Variants in ADGRB3 observed in about 807,000 individuals in gnomAD.
ADGRB3 encodes brain-specific angiogenesis inhibitor 3.
Under a neutral mutation model 193.4 loss-of-function variants are expected in ADGRB3, and 37 were observed. The ratio of observed to expected loss-of-function variants is 0.19; its 90% CI spans 0.15 to 0.25. ADGRB3 has a LOEUF of 0.25. ADGRB3 is among the 10% of genes least tolerant of loss of function. ADGRB3 has a pLI of 1.00. For missense variants in ADGRB3, 1,637 were observed against 1,852.9 expected, an observed-to-expected ratio of 0.88 and a Z score of 2.14; for synonymous variants, 690 against 644.2, an observed-to-expected ratio of 1.07 and a Z score of -1.08.
intron 3 of ADGRB3, among the ~76,000 whole-genome samples, chr6:68,914,251 CAA>C (rs1425227958): frequency 6.0e-5 from 9 of 150,682 alleles, no homozygotes; most frequent in South Asian, 2.1e-4. Context: ...TCAGATTCAC[CAA>C]AGTTGAAATG....
chr6:69,027,834 G>A (rs1030547613), intron 13 of ADGRB3, among the ~76,000 whole-genome samples: 1 of 152,136 alleles, frequency 6.6e-6, no homozygotes, highest in Non-Finnish European at 1.5e-5. Flanking sequence ...AAGAAGGAGA[G>A]CACTCAAGGA....
chr6:68,888,683 G>A (rs1435871122), intron 3 of ADGRB3, among the ~76,000 whole-genome samples: 4 of 151,984 alleles, frequency 2.6e-5, no homozygotes, highest in Non-Finnish European at 4.4e-5. Flanking sequence ...TAAAAATTAT[G>A]GCACAATAAG....
At chr6:68,898,056 A>C (rs1359213822) in intron 3 of ADGRB3, among the ~76,000 whole-genome samples, 1 of 150,248 alleles carries the variant, frequency 6.7e-6, no homozygotes, top group Non-Finnish European at 1.5e-5. Flanking sequence ...AGAGAAAGAG[A>C]GGTTTATTAT....
chr6:68,712,216 T>C (rs1292904004), intron 3 of ADGRB3, among the ~76,000 whole-genome samples: 1 of 151,970 alleles, frequency 6.6e-6, no homozygotes, highest in African/African-American at 2.4e-5. Flanking sequence ...GCAACTTATC[T>C]GAGTTCAGCA....
chr6:69,174,996 T>C (rs1386650127), intron 17 of ADGRB3, among the ~76,000 whole-genome samples: 1 of 152,228 alleles, frequency 6.6e-6, no homozygotes, highest in African/African-American at 2.4e-5. Context: ...CCTTATAGAT[T>C]CTCGATGTTA....
At chr6:69,071,889 A>G (rs570969143) in intron 16 of ADGRB3, among the ~76,000 whole-genome samples, 1 of 152,128 alleles carries the variant, frequency 6.6e-6, no homozygotes, top group Non-Finnish European at 1.5e-5. Flanking sequence ...ATATTGGGCT[A>G]CTTCTCATTA....
chr6:69,101,524 A>C (rs545619337), intron 17 of ADGRB3, among the ~76,000 whole-genome samples: 2 of 151,330 alleles, frequency 1.3e-5, no homozygotes, highest in South Asian at 4.2e-4. Context: ...CACAAAACTG[A>C]CAAACCCTGG....
chr6:69,354,789 A>G (rs1769303477), intron 27 of ADGRB3, among the ~76,000 whole-genome samples: 1 of 152,174 alleles, frequency 6.6e-6, no homozygotes, highest in Non-Finnish European at 1.5e-5. Context: ...TATGCAGCCT[A>G]AGATGAGAAC....
At chr6:69,342,833 C>G (rs1769003394) in intron 26 of ADGRB3, among the ~76,000 whole-genome samples, 1 of 152,058 alleles carries the variant, frequency 6.6e-6, no homozygotes, top group African/African-American at 2.4e-5. Flanking sequence ...ATTTGCTTCA[C>G]TAAAATTCCT....
At chr6:68,840,883 A>G (rs1312778783) in intron 3 of ADGRB3, among the ~76,000 whole-genome samples, 2 of 152,190 alleles carry the variant, frequency 1.3e-5, no homozygotes, top group South Asian at 2.1e-4. Context: ...AATTAAACAC[A>G]TAGACTGAAA....
intron 17 of ADGRB3, among the ~76,000 whole-genome samples, chr6:69,135,288 CTT>C (rs34164707): frequency 1.6e-3 from 238 of 147,976 alleles, no homozygotes; most frequent in Admixed American, 2.2e-3. Flanking sequence ...ATCACAACTA[CTT>C]TTTTTTTTTT....
At chr6:68,799,764 A>G (rs1353545249) in intron 3 of ADGRB3, among the ~76,000 whole-genome samples, 1 of 152,198 alleles carries the variant, frequency 6.6e-6, no homozygotes, top group Non-Finnish European at 1.5e-5. Context: ...AATGATGCAG[A>G]TGTTCATATG....
chr6:69,366,736 T>G (rs1208539785), intron 29 of ADGRB3, among the ~76,000 whole-genome samples: 1 of 152,066 alleles, frequency 6.6e-6, no homozygotes, highest in Non-Finnish European at 1.5e-5. Flanking sequence ...TTAAACAAAT[T>G]CTCTCAGAGT....
chr6:68,992,524 G>A (rs9454667), intron 10 of ADGRB3, among the ~76,000 whole-genome samples: 39,464 of 152,024 alleles, frequency 0.26, 5,404 homozygotes, highest in Middle Eastern at 0.41. Flanking sequence ...TACTGATGCC[G>A]TGTCAGTCAT....
At chr6:69,217,652 A>G (rs1188636399) in intron 17 of ADGRB3, among the ~76,000 whole-genome samples, 2 of 152,160 alleles carry the variant, frequency 1.3e-5, no homozygotes, top group Non-Finnish European at 2.9e-5. Context: ...TTGGGCAGGG[A>G]CTTAGATTTA....
intron 17 of ADGRB3, among the ~76,000 whole-genome samples, chr6:69,091,110 A>G (rs982207717): frequency 6.6e-5 from 10 of 152,192 alleles, no homozygotes; most frequent in African/African-American, 1.7e-4. Flanking sequence ...CATCAGTCAG[A>G]ATGGCTATTA....
intron 17 of ADGRB3, among the ~76,000 whole-genome samples, chr6:69,134,394 A>G (rs1439339978): frequency 6.6e-6 from 1 of 152,098 alleles, no homozygotes; most frequent in African/African-American, 2.4e-5. Flanking sequence ...ACCACACATT[A>G]CATTGTTGTC....
chr6:69,262,313 G>T lies in ADGRB3; in HGVS notation c.2814+23087G>T, dbSNP rs549149289. Reference sequence around the variant, plus strand: ...ATTTCAATTTTTGACACCTTGGACTGAAAGTCACTCAGTAAAGAGATAGGC... The same window carrying T: ...ATTTCAATTTTTGACACCTTGGACTTAAAGTCACTCAGTAAAGAGATAGGC... On this transcript the variant is annotated intron_variant, in intron 20 of 31. Transcript: ENST00000370598. Among the ~76,000 whole-genome samples, 8 of 152,072 alleles carry T rather than the reference G, an allele frequency of 5.3e-5. 1 individual carries two copies. Among genetic ancestry groups the T allele is most frequent in the African/African-American group, 1.7e-4 (7 of 41,534 alleles).
chr6:68,853,452 C>T (rs12196150), intron 3 of ADGRB3, among the ~76,000 whole-genome samples: 34,594 of 151,768 alleles, frequency 0.23, 5,222 homozygotes, highest in Non-Finnish European at 0.33. Flanking sequence ...TCTTAGCTGT[C>T]TAGGTAAAAA....
Sources: allele counts gnomAD v4.1 joint callset (sites outside exome capture counted in the v4.1 genomes callset), GRCh38; gene constraint gnomAD v4.1.1; transcripts MANE v1.5; gene names NCBI Gene and HGNC (gene_info 2026-07-23, HGNC 2026-07-21).